GTF2E2: variants seen among roughly 807,000 people sequenced by gnomAD.
The protein encoded by GTF2E2 is transcription initiation factor IIE subunit beta.
A neutral mutation model predicts 40.5 loss-of-function variants in GTF2E2; 21 were observed. That is an observed-to-expected ratio of 0.52 (90% CI 0.37 to 0.75). The LOEUF (loss-of-function observed/expected upper bound fraction) is 0.75, where lower values mean the gene tolerates loss of function less well. GTF2E2 is among the 30% of genes least tolerant of loss of function. The pLI is 0.00. For missense variants in GTF2E2, 298 were observed against 338.4 expected (o/e 0.88, Z 0.94); for synonymous variants, 117 against 121.6 (o/e 0.96, Z 0.25).
intron 2 of GTF2E2, chr8:30,637,188 C>A (rs999533013): frequency 4.0e-5 from 18 of 454,480 alleles, no homozygotes; most frequent in African/African-American, 3.4e-4. Context: ...TGTCAAAGTA[C>A]AGAAATCTGT....
chr8:30,627,697 A>C (rs928125297), intron 3 of GTF2E2, among the ~76,000 whole-genome samples: 1 of 152,170 alleles, frequency 6.6e-6, no homozygotes, highest in Non-Finnish European at 1.5e-5. Context: ...TTTAAAAATG[A>C]TTTGCTTTAT....
At chr8:30,617,056 T>C (rs998890756) in intron 3 of GTF2E2, among the ~76,000 whole-genome samples, 2 of 152,070 alleles carry the variant, frequency 1.3e-5, no homozygotes, top group African/African-American at 4.8e-5. Flanking sequence ...TACCTTATTA[T>C]ACAACTTTAC....
chr8:30,625,401 A>G (rs970720599), intron 3 of GTF2E2, among the ~76,000 whole-genome samples: 8 of 152,110 alleles, frequency 5.3e-5, no homozygotes, highest in Admixed American at 2.0e-4. Flanking sequence ...GGGTTTCTCA[A>G]CCAGCATTCC....
intron 6 of GTF2E2, among the ~76,000 whole-genome samples, chr8:30,582,886 A>G (rs1387576545): frequency 6.6e-6 from 1 of 152,180 alleles, no homozygotes; most frequent in African/African-American, 2.4e-5. Flanking sequence ...TAATTAATGG[A>G]GAGATATTTT....
intron 3 of GTF2E2, among the ~76,000 whole-genome samples, chr8:30,625,998 G>T (rs1380031609): frequency 6.6e-6 from 1 of 152,194 alleles, no homozygotes; most frequent in African/African-American, 2.4e-5. Flanking sequence ...GACAATGTCA[G>T]CAGCTCCCTT....
chr8:30,621,909 A>G (rs1167293902), intron 3 of GTF2E2, among the ~76,000 whole-genome samples: 1 of 151,966 alleles, frequency 6.6e-6, no homozygotes, highest in Non-Finnish European at 1.5e-5. Context: ...TCCTGACCTA[A>G]AGAAAACACA....
At chr8:30,654,124 C>T (rs1398654742) in intron 1 of GTF2E2, among the ~76,000 whole-genome samples, 1 of 147,646 alleles carries the variant, frequency 6.8e-6, no homozygotes, top group Non-Finnish European at 1.5e-5. Flanking sequence ...AGAAAAGAAA[C>T]AGAATTATTC....
At position 30,646,979 on chromosome 8, in the gene GTF2E2, C is replaced by CAAAAAA. The variant is rs56762565; in HGVS notation, c.166+6448_166+6453dup. Reference sequence around the variant, plus strand: ...TGGGTGACAGAGCAAGACTCCGTCTCAAAAAAAAAAAAAAAAAAAAAAAAA... The same window carrying CAAAAAA: ...TGGGTGACAGAGCAAGACTCCGTCTCAAAAAAAAAAAAAAAAAAAAAAAAAAAAAAA... On this transcript the variant is annotated intron_variant, in intron 2 of 7. Transcript: ENST00000355904. Among the ~76,000 whole-genome samples the CAAAAAA allele has an allele frequency of 7.8e-5, 4 of 51,208 alleles. 1 individual carries two copies. Among genetic ancestry groups the CAAAAAA allele is most frequent in the Non-Finnish European group, 9.7e-5 (3 of 30,850 alleles). 33.6% of individuals were successfully genotyped at this position (51,208 alleles called of 152,430 possible).
At chr8:30,605,940 C>A (rs566776639) in intron 6 of GTF2E2, among the ~76,000 whole-genome samples, 8 of 152,296 alleles carry the variant, frequency 5.3e-5, no homozygotes, top group Admixed American at 4.6e-4. Flanking sequence ...GGATTAGAGG[C>A]ATGAGCCACC....
chr8:30,607,906 A>G (rs1401153187), intron 5 of GTF2E2, among the ~76,000 whole-genome samples: 1 of 152,232 alleles, frequency 6.6e-6, no homozygotes, highest in Non-Finnish European at 1.5e-5. Flanking sequence ...TAAATCACCT[A>G]GAAATGTGAT....
At chr8:30,580,946 C>T (rs1236066652) in intron 6 of GTF2E2, among the ~76,000 whole-genome samples, 1 of 152,224 alleles carries the variant, frequency 6.6e-6, no homozygotes, top group African/African-American at 2.4e-5. Context: ...CTCACCTCCT[C>T]TCTGTAATAC....
rs56762565 is a variant in GTF2E2 at position 30,646,979 on chromosome 8, CAAAAAA to C, written c.166+6448_166+6453del. ...TGGGTGACAGAGCAAGACTCCGTCT[CAAAAAA>C]AAAAAAAAAAAAAAAAAAAAGCAAC... On this transcript the variant is annotated intron_variant, in intron 2 of 7. Coordinates refer to ENST00000355904, the MANE Select transcript of GTF2E2 (RefSeq NM_002095.6). 6.7e-3 allele frequency among the ~76,000 whole-genome samples: 342 copies of C among 51,174 alleles called. 1 individual carries two copies. Among genetic ancestry groups the C allele is most frequent in the Middle Eastern group, 0.018 (1 of 56 alleles). 33.6% of individuals were successfully genotyped at this position (51,174 alleles called of 152,430 possible).
intron 4 of GTF2E2, among the ~76,000 whole-genome samples, chr8:30,613,981 C>T (rs1800823121): frequency 6.6e-6 from 1 of 152,196 alleles, no homozygotes; most frequent in Non-Finnish European, 1.5e-5. Flanking sequence ...AAAATATCTT[C>T]CTATCCCTGC....
intron 3 of GTF2E2, among the ~76,000 whole-genome samples, chr8:30,623,277 T>G (rs1234845361): frequency 6.6e-6 from 1 of 152,106 alleles, no homozygotes; most frequent in Non-Finnish European, 1.5e-5. Flanking sequence ...TTCCCACCTA[T>G]GAGTGAGAAC....
intron 6 of GTF2E2, among the ~76,000 whole-genome samples, chr8:30,595,214 G>C (rs35220810): frequency 6.6e-6 from 1 of 152,006 alleles, no homozygotes; most frequent in East Asian, 1.9e-4. Flanking sequence ...AAAGACATTA[G>C]AACAGTATAC....
intron 3 of GTF2E2, among the ~76,000 whole-genome samples, chr8:30,619,797 A>G (rs948935274): frequency 6.6e-6 from 1 of 152,080 alleles, no homozygotes. Context: ...TGAATAATGC[A>G]TACCCTCCCT....
intron 4 of GTF2E2, 45 bp from the exon 5 acceptor site, chr8:30,612,526 A>T (rs2151128775): frequency 9.0e-7 from 1 of 1,106,446 alleles, no homozygotes; most frequent in Non-Finnish European, 1.3e-6. Context: ...ATGGAACATA[A>T]ATATATATAT....
intron 3 of GTF2E2, among the ~76,000 whole-genome samples, chr8:30,633,179 AT>A (rs1482771519): frequency 6.6e-6 from 1 of 152,188 alleles, no homozygotes; most frequent in African/African-American, 2.4e-5. Flanking sequence ...ATTTTGATTT[AT>A]ATTTCAATTT....
chr8:30,655,692 T>C (rs1480487767), intron 1 of GTF2E2, among the ~76,000 whole-genome samples: 6 of 152,326 alleles, frequency 3.9e-5, no homozygotes, highest in South Asian at 2.1e-4. Context: ...AATGGAAGCA[T>C]TGAGCTAAAA....
Sources: allele counts gnomAD v4.1 joint callset (sites outside exome capture counted in the v4.1 genomes callset), GRCh38; gene constraint gnomAD v4.1.1; transcripts MANE v1.5; gene names NCBI Gene and HGNC (gene_info 2026-07-23, HGNC 2026-07-21).